C12orf42: variants seen among roughly 807,000 people sequenced by gnomAD.
The protein encoded by C12orf42 is uncharacterized protein C12orf42.
A neutral mutation model predicts 21.6 loss-of-function variants in C12orf42; 25 were observed. The observed-to-expected ratio is 1.16, with a 90% confidence interval of 0.84 to 1.62. The LOEUF is 1.62. Among genes scored for constraint, C12orf42 ranks in the 40% most tolerant of loss-of-function variants. The pLI is 0.00. For synonymous variants in C12orf42, 174 were observed against 175.0 expected (o/e 0.99, Z 0.05); for missense variants, 483 against 459.3 (o/e 1.05, Z -0.47).
chr12:103,098,213 G>T, the C12orf42 span, among the ~76,000 whole-genome samples: 1 of 152,166 alleles, frequency 6.6e-6, no homozygotes, highest in Non-Finnish European at 1.5e-5. Flanking sequence ...CACTTGTTGA[G>T]CACATAGGCC....
At chr12:103,062,361 T>G in the C12orf42 span, among the ~76,000 whole-genome samples, 1 of 151,948 alleles carries the variant, frequency 6.6e-6, no homozygotes, top group South Asian at 2.1e-4. Context: ...TTTGTTTGCT[T>G]AGTCATATGT....
chr12:103,318,579 A>G (rs981948760), intron 4 of C12orf42, among the ~76,000 whole-genome samples: 1 of 152,188 alleles, frequency 6.6e-6, no homozygotes, highest in Non-Finnish European at 1.5e-5. Context: ...TGGTTTTAAT[A>G]TGTATTTTCC....
chr12:103,398,315 C>T (rs1462719516), intron 3 of C12orf42, among the ~76,000 whole-genome samples: 1 of 152,040 alleles, frequency 6.6e-6, no homozygotes, highest in East Asian at 1.9e-4. Context: ...TTCAGATTTC[C>T]TGTTGGTGAA....
chr12:103,354,105 A>C (rs2043325626), intron 4 of C12orf42, among the ~76,000 whole-genome samples: 1 of 152,158 alleles, frequency 6.6e-6, no homozygotes, highest in Non-Finnish European at 1.5e-5. Context: ...GAGAAGCAAC[A>C]ATGAGTCATC....
chr12:103,175,197 A>C, the C12orf42 span, among the ~76,000 whole-genome samples: 1 of 152,168 alleles, frequency 6.6e-6, no homozygotes. Flanking sequence ...TGGCATGAGA[A>C]TCTATAACCA....
In C12orf42 at chr12:103,368,916, A is replaced by C; in HGVS notation, c.230T>G (p.Phe77Cys). 1 of 1,589,890 alleles carries C rather than the reference A, an allele frequency of 6.3e-7. No homozygotes were observed. The highest frequency in any genetic ancestry group is 8.6e-7 in the Non-Finnish European group (1 of 1,164,304). ...HMKNFSESPK[F>C]RSLHFLNFPV... is the part of the protein sequence containing the mutation. ...AAAATTCAGAAAGTGTAGACTACGA[A>C]ATTTAGGAGATTCAGAGAAATTCTT... Residue 77 changes from phenylalanine to cysteine, a missense_variant, in exon 4 of 6, where the codon TTT becomes TGT. By Grantham distance (205) the Phe-to-Cys change is radical. Transcript: ENST00000548883.
chr12:103,281,173 G>A (rs956250566), intron 4 of C12orf42, among the ~76,000 whole-genome samples: 26 of 152,152 alleles, frequency 1.7e-4, no homozygotes, highest in African/African-American at 5.6e-4. Flanking sequence ...TCTTTACACA[G>A]AATTGCAAGA....
chr12:103,171,710 G>C, the C12orf42 span, among the ~76,000 whole-genome samples: 1 of 152,218 alleles, frequency 6.6e-6, no homozygotes, highest in East Asian at 1.9e-4. Flanking sequence ...CTAGGGGAAC[G>C]AAACAGGAGA....
intron 2 of C12orf42, among the ~76,000 whole-genome samples, chr12:103,431,538 T>C (rs1401318693): frequency 6.6e-6 from 1 of 152,182 alleles, no homozygotes; most frequent in Non-Finnish European, 1.5e-5. Context: ...GCCTCTTGAG[T>C]TCCTCATAGT....
chr12:103,400,898 G>A (rs991107770), intron 3 of C12orf42, among the ~76,000 whole-genome samples: 2 of 152,108 alleles, frequency 1.3e-5, no homozygotes, highest in African/African-American at 4.8e-5. Context: ...TTCCCTTCAT[G>A]GTAAATAGGA....
the C12orf42 span, among the ~76,000 whole-genome samples, chr12:103,173,114 G>A: frequency 6.6e-6 from 1 of 152,082 alleles, no homozygotes; most frequent in Non-Finnish European, 1.5e-5. Context: ...GTACCAAAGA[G>A]TTCAGTGATT....
chr12:103,116,370 G>GA, the C12orf42 span, among the ~76,000 whole-genome samples: 5,390 of 128,592 alleles, frequency 0.042, 165 homozygotes, highest in East Asian at 0.13. Context: ...ATCTCACCAA[G>GA]AAAAAAAAAA....
intron 4 of C12orf42, among the ~76,000 whole-genome samples, chr12:103,330,639 T>C (rs2041165519): frequency 6.6e-6 from 1 of 152,226 alleles, no homozygotes; most frequent in African/African-American, 2.4e-5. Flanking sequence ...CTTAAATCTT[T>C]ATCTCTTGCT....
At chr12:103,134,495 TAG>T in the C12orf42 span, among the ~76,000 whole-genome samples, 42 of 151,698 alleles carry the variant, frequency 2.8e-4, no homozygotes, top group Admixed American at 2.2e-3. Context: ...TCTTCAACAA[TAG>T]TGTAGATCAA....
chr12:103,262,832 T>C (rs545993820), intron 10 of C12orf42, among the ~76,000 whole-genome samples: 1 of 152,190 alleles, frequency 6.6e-6, no homozygotes, highest in Non-Finnish European at 1.5e-5. Flanking sequence ...TAAATCATGC[T>C]ACTATGAAGA....
chr12:103,457,344 A>G (rs1952369421), intron 2 of C12orf42, among the ~76,000 whole-genome samples: 1 of 152,180 alleles, frequency 6.6e-6, no homozygotes, highest in Non-Finnish European at 1.5e-5. Context: ...GGCAGGGTAT[A>G]CACTGTGTTT....
intron 4 of C12orf42, among the ~76,000 whole-genome samples, chr12:103,308,153 G>A (rs769514140): frequency 1.2e-4 from 19 of 152,110 alleles, no homozygotes; most frequent in Non-Finnish European, 2.2e-4. Flanking sequence ...ACTATTAATA[G>A]TAGATTAGAT....
the C12orf42 span, among the ~76,000 whole-genome samples, chr12:103,231,473 T>G: frequency 1.3e-5 from 2 of 152,222 alleles, no homozygotes; most frequent in South Asian, 4.1e-4. Context: ...TTCTTCCTCC[T>G]CACTACCCCT....
At chr12:103,560,273 C>T in the C12orf42 span, among the ~76,000 whole-genome samples, 1 of 23,900 alleles carries the variant, frequency 4.2e-5, no homozygotes, top group Admixed American at 5.2e-4. Context: ...TGGAACAGAA[C>T]CTATTACCTT....
Sources: gnomAD v4.1 joint callset for allele counts (sites outside exome capture counted in the v4.1 genomes callset) on GRCh38, gnomAD v4.1.1 for gene constraint, MANE v1.5 for transcripts, NCBI Gene and HGNC (gene_info 2026-07-23, HGNC 2026-07-21) for gene names.